SLC24A2: variants seen among roughly 807,000 people sequenced by gnomAD.
SLC24A2 encodes sodium/potassium/calcium exchanger 2.
A neutral mutation model predicts 62.0 loss-of-function variants in SLC24A2; 36 were observed. That is an observed-to-expected ratio of 0.58 (90% CI 0.44 to 0.77). SLC24A2 has a LOEUF of 0.77. Ranked by LOEUF, SLC24A2 falls within the 30% of genes least tolerant of loss-of-function variation. SLC24A2 has a pLI of 0.00. For synonymous variants in SLC24A2, 358 were observed against 294.0 expected, an observed-to-expected ratio of 1.22 and a Z score of -2.23; for missense variants, 846 against 817.9, an observed-to-expected ratio of 1.03 and a Z score of -0.42.
chr9:19,511,256 T>C lies in SLC24A2; in HGVS notation c.*4897A>G, dbSNP rs1192373526. The stretch of plus-strand genomic sequence containing the variant: ...TCTTGTTTGCTATATATTTAAAAAA[T>C]ATGAAGCTCTGAGATTAAAAATGAA... On this transcript the variant is annotated 3_prime_UTR_variant, in exon 11 of 11. Coordinates refer to ENST00000341998, the MANE Select transcript of SLC24A2 (RefSeq NM_020344.4). 1 of 152,050 alleles carries C rather than the reference T, an allele frequency of 6.6e-6. No individual in the cohort carries two copies. The highest frequency in any genetic ancestry group is 2.4e-5 in the African/African-American group (1 of 41,386). The allele number at this position is 152,050 out of a possible 1,614,324, so 9.4% of individuals were successfully genotyped here. A position where few individuals can be genotyped will look rare whatever the true frequency, so the allele number is the denominator to read the frequency against.
chr9:20,214,485 G>T, the SLC24A2 span, among the ~76,000 whole-genome samples: 111 of 151,952 alleles, frequency 7.3e-4, no homozygotes, highest in African/African-American at 2.7e-3. Flanking sequence ...CATTGTGGTG[G>T]GCCCCTGTAG....
chr9:20,297,573 G>A, the SLC24A2 span, among the ~76,000 whole-genome samples: 393 of 152,338 alleles, frequency 2.6e-3, 2 homozygotes, highest in African/African-American at 9.1e-3. Context: ...CTCAGGGACA[G>A]TGACAAGTCT....
rs1420754965 is a variant in SLC24A2, at chr9:19,632,011, G to A, written c.931-9712C>T. ...GTGGAGAACATGGCAGTAAGAAACC[G>A]TTCCACTGGGTGTTGACCATGATAC... On this transcript the variant is annotated intron_variant, in intron 2 of 10. Transcript: ENST00000341998. This position sits in a 1 kb window ranked among gnomAD's most constrained non-coding sequence, Gnocchi z 4.5. Among the ~76,000 whole-genome samples, 6 of 152,142 alleles carry A rather than the reference G, an allele frequency of 3.9e-5. No individual in the cohort carries two copies. The highest frequency in any genetic ancestry group is 3.2e-3 in the Middle Eastern group (1 of 316).
At chr9:20,130,729 C>G in the SLC24A2 span, among the ~76,000 whole-genome samples, 3 of 152,192 alleles carry the variant, frequency 2.0e-5, no homozygotes, top group African/African-American at 7.2e-5. Context: ...ACTCTGGCTG[C>G]TAAGTGAAGA....
the SLC24A2 span, among the ~76,000 whole-genome samples, chr9:19,848,791 G>C: frequency 1.3e-5 from 2 of 152,140 alleles, no homozygotes; most frequent in Admixed American, 1.3e-4. Flanking sequence ...ACTTCCTTGT[G>C]GTCAATGGAA....
chr9:19,785,915 A>T (rs765691111), intron 2 of SLC24A2, 22 bp downstream of exon 2: 2 of 1,614,082 alleles, frequency 1.2e-6, no homozygotes, highest in Admixed American at 3.3e-5. Flanking sequence ...AAAGCATTAA[A>T]TAAAAATCCA....
At chr9:20,112,784 C>T in the SLC24A2 span, among the ~76,000 whole-genome samples, 4 of 151,950 alleles carry the variant, frequency 2.6e-5, no homozygotes, top group Non-Finnish European at 5.9e-5. Context: ...TTTAGTGTGT[C>T]AATCTTGAAC....
the SLC24A2 span, among the ~76,000 whole-genome samples, chr9:20,116,279 C>T: frequency 6.6e-6 from 1 of 152,092 alleles, no homozygotes; most frequent in Admixed American, 6.6e-5. Context: ...TATTCAAAAG[C>T]TTTTGCTGTC....
At chr9:20,080,255 C>G in the SLC24A2 span, among the ~76,000 whole-genome samples, 32 of 152,212 alleles carry the variant, frequency 2.1e-4, no homozygotes, top group Non-Finnish European at 4.3e-4. Context: ...ACAAAAACAG[C>G]ATGGTACTGT....
At chr9:19,605,175 C>G (rs1235397871) in intron 4 of SLC24A2, among the ~76,000 whole-genome samples, 1 of 152,210 alleles carries the variant, frequency 6.6e-6, no homozygotes, top group African/African-American at 2.4e-5. Flanking sequence ...ATGCCATTAT[C>G]TTTTGACCCC....
the SLC24A2 span, among the ~76,000 whole-genome samples, chr9:19,880,483 G>A: frequency 6.6e-6 from 1 of 152,140 alleles, no homozygotes; most frequent in Non-Finnish European, 1.5e-5. Context: ...AAGTGGGGCT[G>A]CTTTTTCTTA....
intron 2 of SLC24A2, among the ~76,000 whole-genome samples, chr9:19,709,144 A>T (rs1341230899): frequency 6.6e-6 from 1 of 152,230 alleles, no homozygotes; most frequent in Non-Finnish European, 1.5e-5. Context: ...GCCAAAAAAC[A>T]CATGAAAAAA....
Position 19,779,740 on chromosome 9 carries a change from G to C in SLC24A2, c.930+6197C>G, listed in dbSNP as rs181244409. ...AATTTATGAGGCTTAAAAAATGAAAGTTATAACTCAATAAAGCTGTTTACA... is the reference window on the plus strand; with the variant it reads ...AATTTATGAGGCTTAAAAAATGAAACTTATAACTCAATAAAGCTGTTTACA... On this transcript the variant is annotated intron_variant, in intron 2 of 10. Transcript: ENST00000341998. Among the ~76,000 whole-genome samples, 270 of 152,282 alleles carry C rather than the reference G, an allele frequency of 1.8e-3. 3 individuals are homozygous for C. The highest frequency in any genetic ancestry group is 6.2e-3 in the African/African-American group (259 of 41,560).
chr9:19,667,539 C>G (rs4977315), intron 2 of SLC24A2, among the ~76,000 whole-genome samples: 1 of 151,972 alleles, frequency 6.6e-6, no homozygotes, highest in Non-Finnish European at 1.5e-5. Flanking sequence ...GAACTTCCAT[C>G]ATAGCCCCTT....
the SLC24A2 span, among the ~76,000 whole-genome samples, chr9:19,898,741 C>CAAAAAAAAAA: frequency 9.3e-5 from 9 of 97,258 alleles, no homozygotes; most frequent in East Asian, 8.3e-4. Flanking sequence ...GACTCCATCT[C>CAAAAAAAAAA]AAAAAAAAAA....
the SLC24A2 span, among the ~76,000 whole-genome samples, chr9:20,072,565 C>T: frequency 6.6e-6 from 1 of 151,460 alleles, no homozygotes; most frequent in Non-Finnish European, 1.5e-5. Flanking sequence ...ATCATAATAT[C>T]ACATATCAAA....
the SLC24A2 span, among the ~76,000 whole-genome samples, chr9:20,042,129 A>G: frequency 6.6e-6 from 1 of 152,224 alleles, no homozygotes. Context: ...TGTGGCAGGA[A>G]TTGGCTGGGG....
chr9:20,065,707 T>C, the SLC24A2 span, among the ~76,000 whole-genome samples: 2 of 152,216 alleles, frequency 1.3e-5, no homozygotes. Context: ...GTGACCAGTG[T>C]TACACATTTG....
chr9:19,825,060 C>A, the SLC24A2 span, among the ~76,000 whole-genome samples: 2 of 152,078 alleles, frequency 1.3e-5, no homozygotes, highest in Admixed American at 1.3e-4. Flanking sequence ...GGACAAATAC[C>A]TAATGGCTGT....
Sources: allele counts gnomAD v4.1 joint callset (sites outside exome capture counted in the v4.1 genomes callset), GRCh38; gene constraint gnomAD v4.1.1; non-coding constraint Gnocchi (gnomAD v3.1); transcripts MANE v1.5; gene names NCBI Gene and HGNC (gene_info 2026-07-23, HGNC 2026-07-21).